LDLRAD4: variants seen among roughly 807,000 people sequenced by gnomAD.
LDLRAD4 encodes the protein low density lipoprotein receptor class A domain containing 4.
LDLRAD4 carries 5 observed loss-of-function variants against 17.0 expected under a neutral mutation model. The observed-to-expected ratio is 0.29, with a 90% CI of 0.15 to 0.62. The LOEUF (loss-of-function observed/expected upper bound fraction) is 0.62. Ranked by LOEUF, LDLRAD4 falls within the 20% of genes least tolerant of loss-of-function variation. The pLI is 0.84. For synonymous variants in LDLRAD4, 168 were observed against 171.8 expected (o/e 0.98, Z 0.17); for missense variants, 340 against 424.7 (o/e 0.80, Z 1.75).
At chr18:13,643,453 G>T (rs1434943475) in intron 5 of LDLRAD4, 41 bp downstream of exon 6, 2 of 433,304 alleles carry the variant, frequency 4.6e-6, no homozygotes, top group Non-Finnish European at 8.0e-6. Context: ...GGGGCGGGGG[G>T]GGTGGGTGGG....
At chr18:13,459,387 T>C (rs1047953578) in intron 3 of LDLRAD4, among the ~76,000 whole-genome samples, 1 of 151,612 alleles carries the variant, frequency 6.6e-6, no homozygotes, top group African/African-American at 2.4e-5. Flanking sequence ...TTTTTCTTTT[T>C]GTTTTTGTTT....
intron 1 of LDLRAD4, among the ~76,000 whole-genome samples, chr18:13,244,838 G>A (rs1449137645): frequency 6.6e-6 from 1 of 152,188 alleles, no homozygotes; most frequent in Non-Finnish European, 1.5e-5. Flanking sequence ...TCATGGACAG[G>A]TGGGAGTGTT....
intron 4 of LDLRAD4, chr18:13,642,655 C>A (rs1601885135): frequency 8.1e-7 from 1 of 1,231,108 alleles, no homozygotes. Context: ...CACGGGCGGG[C>A]CCCGGGCCAC....
intron 3 of LDLRAD4, among the ~76,000 whole-genome samples, chr18:13,535,919 C>T (rs2094195387): frequency 6.6e-6 from 1 of 152,134 alleles, no homozygotes; most frequent in South Asian, 2.1e-4. Flanking sequence ...TCTTTTCCCC[C>T]ATTGAATTAC....
intron 4 of LDLRAD4, chr18:13,642,890 GTTT>G: frequency 2.2e-6 from 1 of 464,038 alleles, no homozygotes; most frequent in Non-Finnish European, 3.5e-6. Context: ...CTCGCTCCAC[GTTT>G]TTTGTTTGTT....
exon 1 of LDLRAD4, chr18:13,218,912 C>T (rs2041289205): frequency 6.6e-6 from 1 of 152,440 alleles, no homozygotes; most frequent in African/African-American, 2.4e-5. Flanking sequence ...AAGGGGTCTG[C>T]CCTGCACAGC....
chr18:13,390,503 G>T (rs911815998), intron 2 of LDLRAD4, among the ~76,000 whole-genome samples: 2 of 152,098 alleles, frequency 1.3e-5, no homozygotes, highest in Non-Finnish European at 2.9e-5. Flanking sequence ...GGTTTAATTG[G>T]TCTTGGCATC....
intron 1 of LDLRAD4, among the ~76,000 whole-genome samples, chr18:13,322,877 G>A (rs540082750): frequency 1.4e-4 from 21 of 150,656 alleles, no homozygotes; most frequent in East Asian, 1.4e-3. Flanking sequence ...CACCTGTCTC[G>A]GCCTCCCAAA....
intron 3 of LDLRAD4, chr18:13,472,715 C>T (rs1406936232): frequency 6.6e-6 from 1 of 152,234 alleles, no homozygotes; most frequent in Non-Finnish European, 1.5e-5. Flanking sequence ...ATTTCATTTA[C>T]ACATCACAGA....
intron 3 of LDLRAD4, among the ~76,000 whole-genome samples, chr18:13,587,114 C>G (rs1177690075): frequency 1.3e-5 from 2 of 152,126 alleles, no homozygotes; most frequent in African/African-American, 4.8e-5. Flanking sequence ...TTCTCAAACT[C>G]TAACATACAT....
chr18:13,608,248 G>A (rs535813020), intron 3 of LDLRAD4, among the ~76,000 whole-genome samples: 4 of 152,086 alleles, frequency 2.6e-5, no homozygotes, highest in South Asian at 2.1e-4. Flanking sequence ...TTAGAACGGC[G>A]ATCACTATTT....
chr18:13,402,890 AG>A (rs1364511599), intron 2 of LDLRAD4, among the ~76,000 whole-genome samples: 11 of 152,342 alleles, frequency 7.2e-5, no homozygotes, highest in African/African-American at 2.2e-4. Context: ...GGAGATTGGA[AG>A]GGGTTGCTCT....
intron 3 of LDLRAD4, among the ~76,000 whole-genome samples, chr18:13,492,008 T>C (rs1435658959): frequency 6.6e-6 from 1 of 152,192 alleles, no homozygotes; most frequent in Non-Finnish European, 1.5e-5. Flanking sequence ...CTGTTTTTCT[T>C]GGGTATAATG....
chr18:13,377,188 GGTA>G (rs2084978209), intron 1 of LDLRAD4, among the ~76,000 whole-genome samples: 3 of 152,198 alleles, frequency 2.0e-5, no homozygotes, highest in Non-Finnish European at 2.9e-5. Context: ...GCTCACTGCC[GGTA>G]ACATCAACGC....
chr18:13,427,028 CAA>C (rs779490558), intron 2 of LDLRAD4, among the ~76,000 whole-genome samples: 67 of 151,596 alleles, frequency 4.4e-4, no homozygotes, highest in Non-Finnish European at 8.1e-4. Flanking sequence ...TACTAAAATA[CAA>C]AAAAAATGAG....
intron 1 of LDLRAD4, chr18:13,279,948 C>G (rs1423288687): frequency 6.6e-6 from 1 of 152,250 alleles, no homozygotes; most frequent in Non-Finnish European, 1.5e-5. Flanking sequence ...TTAAGCAGCT[C>G]ACAGCTGGAC....
At chr18:13,490,849 T>G (rs1374346913) in intron 3 of LDLRAD4, among the ~76,000 whole-genome samples, 1 of 152,204 alleles carries the variant, frequency 6.6e-6, no homozygotes, top group Non-Finnish European at 1.5e-5. Flanking sequence ...TTGCACATCC[T>G]TGGCTCATTG....
At chr18:13,308,741 T>C (rs570940628) in intron 1 of LDLRAD4, among the ~76,000 whole-genome samples, 2 of 152,396 alleles carry the variant, frequency 1.3e-5, no homozygotes, top group East Asian at 3.9e-4. Context: ...GAGTGCTTTA[T>C]GTATTAGGGA....
chr18:13,482,218 A>T (rs901844092), intron 3 of LDLRAD4, among the ~76,000 whole-genome samples: 9 of 152,234 alleles, frequency 5.9e-5, no homozygotes, highest in Middle Eastern at 3.4e-3. Flanking sequence ...CCAGTGCCAA[A>T]CTCACACCCC....
Sources: allele counts gnomAD v4.1 joint callset (sites outside exome capture counted in the v4.1 genomes callset), GRCh38; gene constraint gnomAD v4.1.1; transcripts MANE v1.5; gene names NCBI Gene and HGNC (gene_info 2026-07-23, HGNC 2026-07-21).